The following MAML2 variants were observed in gnomAD, a reference collection of about 807,000 sequenced individuals.
MAML2 encodes mastermind-like protein 2.
MAML2 carries 22 observed loss-of-function variants against 96.1 expected under a neutral mutation model. That is an observed-to-expected ratio of 0.23 (90% CI 0.16 to 0.33). The LOEUF (loss-of-function observed/expected upper bound fraction) is 0.33, where lower values mean the gene tolerates loss of function less well. Ranked by LOEUF, MAML2 falls within the 10% of genes least tolerant of loss-of-function variation. The pLI, the probability that MAML2 is intolerant of heterozygous loss-of-function variation, is 1.00. For synonymous variants in MAML2, 561 were observed against 521.3 expected, an observed-to-expected ratio of 1.08 and a Z score of -1.04; for missense variants, 1,367 against 1,392.4, an observed-to-expected ratio of 0.98 and a Z score of 0.29.
At chr11:96,251,822 C>T (rs1379434404) in intron 1 of MAML2, among the ~76,000 whole-genome samples, 1 of 151,928 alleles carries the variant, frequency 6.6e-6, no homozygotes, top group African/African-American at 2.4e-5. Context: ...ACCTCCGCCT[C>T]CCAGGTTCAC....
At chr11:96,090,934 T>C (rs1451492101) in intron 2 of MAML2, among the ~76,000 whole-genome samples, 1 of 152,252 alleles carries the variant, frequency 6.6e-6, no homozygotes, top group African/African-American at 2.4e-5. Context: ...GTGCTATCTT[T>C]GTGCTTAGAT....
chr11:96,051,647 G>C (rs578060054), intron 2 of MAML2, among the ~76,000 whole-genome samples: 2 of 152,256 alleles, frequency 1.3e-5, no homozygotes, highest in South Asian at 4.1e-4. Flanking sequence ...TCATTCAACA[G>C]TTTTCTATGC....
At chr11:95,986,255 A>AGATCTG (rs982426274) in intron 3 of MAML2, among the ~76,000 whole-genome samples, 2 of 152,042 alleles carry the variant, frequency 1.3e-5, no homozygotes, top group Non-Finnish European at 2.9e-5. Context: ...CCCAGAGTGG[A>AGATCTG]GTGCAGTGGT....
intron 1 of MAML2, among the ~76,000 whole-genome samples, chr11:96,189,185 A>G (rs12272855): frequency 0.19 from 28,361 of 151,890 alleles, 2,818 homozygotes; most frequent in Middle Eastern, 0.25. Flanking sequence ...GCCTTGAGGT[A>G]TGATTTGATG....
At chr11:96,070,601 C>T (rs1222493318) in intron 2 of MAML2, among the ~76,000 whole-genome samples, 1 of 152,198 alleles carries the variant, frequency 6.6e-6, no homozygotes, top group South Asian at 2.1e-4. Context: ...AGCTGCCCAC[C>T]CCACTGGCGT....
At chr11:96,340,210 G>T (rs1307953527) in intron 1 of MAML2, among the ~76,000 whole-genome samples, 1 of 152,204 alleles carries the variant, frequency 6.6e-6, no homozygotes, top group Admixed American at 6.5e-5. Flanking sequence ...TCAATATCAA[G>T]CTCCTTTGGA....
intron 4 of MAML2, among the ~76,000 whole-genome samples, chr11:95,981,740 G>C (rs10501834): frequency 0.18 from 27,612 of 152,068 alleles, 3,968 homozygotes; most frequent in African/African-American, 0.4. Flanking sequence ...AACAATAACT[G>C]AGATGACATA....
intron 2 of MAML2, among the ~76,000 whole-genome samples, chr11:96,073,321 C>CTTTTTTTTTTTTT (rs57220287): frequency 9.2e-6 from 1 of 108,318 alleles, no homozygotes. Context: ...CTTTTCTTTT[C>CTTTTTTTTTTTTT]TTTTTTTTTT....
intron 2 of MAML2, among the ~76,000 whole-genome samples, chr11:96,032,586 C>CAA (rs59167571): frequency 0.14 from 13,156 of 90,986 alleles, 1,443 homozygotes; most frequent in African/African-American, 0.29. Flanking sequence ...GAGTCTGTCT[C>CAA]AAAAAAAAAA....
chr11:96,267,713 CCTCCAGTCACT>C (rs1177199126), intron 1 of MAML2, among the ~76,000 whole-genome samples: 1 of 152,124 alleles, frequency 6.6e-6, no homozygotes, highest in Admixed American at 6.6e-5. Flanking sequence ...GGGCTCAATT[CCTCCAGTCACT>C]AGTTTCAGCT....
chr11:96,196,056 C>G (rs1861725957), intron 1 of MAML2, among the ~76,000 whole-genome samples: 1 of 152,104 alleles, frequency 6.6e-6, no homozygotes, highest in African/African-American at 2.4e-5. Flanking sequence ...TGCATAGATA[C>G]ATATCTGCAA....
chr11:96,147,974 G>T (rs537517846), intron 1 of MAML2, among the ~76,000 whole-genome samples: 56 of 152,294 alleles, frequency 3.7e-4, no homozygotes, highest in African/African-American at 1.3e-3. Context: ...TAATGAAAAT[G>T]AGGAGTAAAA....
rs78766205 is a variant in MAML2, at chr11:96,175,998, A to G, written c.514-82481T>C. 7.5e-3 allele frequency among the ~76,000 whole-genome samples: 1,148 copies of G among 152,316 alleles called. 16 individuals are homozygous for G. Among genetic ancestry groups the G allele is most frequent in the African/African-American group, 0.025 (1,057 of 41,574 alleles). ...TGGAGAATAGGAGCATAGGGAAAAA[A>G]AGACTCCTCAATGTGTATAGTGCTT... is the stretch of plus-strand genomic sequence containing the variant. On this transcript the variant is annotated intron_variant, in intron 1 of 4. Coordinates refer to ENST00000524717, the MANE Select transcript of MAML2 (RefSeq NM_032427.4).
At chr11:96,267,714 C>T (rs1489520622) in intron 1 of MAML2, among the ~76,000 whole-genome samples, 2 of 152,172 alleles carry the variant, frequency 1.3e-5, no homozygotes, top group Non-Finnish European at 2.9e-5. Flanking sequence ...GGCTCAATTC[C>T]TCCAGTCACT....
chr11:96,072,656 G>A (rs1278200142), intron 2 of MAML2, among the ~76,000 whole-genome samples: 1 of 152,070 alleles, frequency 6.6e-6, no homozygotes, highest in Non-Finnish European at 1.5e-5. Flanking sequence ...GAAAGAGCTC[G>A]CTGTCAAGGA....
intron 1 of MAML2, among the ~76,000 whole-genome samples, chr11:96,177,170 G>T (rs989091543): frequency 3.3e-5 from 5 of 152,208 alleles, no homozygotes; most frequent in Admixed American, 3.3e-4. Flanking sequence ...CCATAAAAGT[G>T]AAGTCACCCC....
At chr11:96,235,496 G>T (rs2186584) in intron 1 of MAML2, among the ~76,000 whole-genome samples, 44,633 of 152,044 alleles carry the variant, frequency 0.29, 7,602 homozygotes, top group Non-Finnish European at 0.37. Context: ...TGAAAGTCAG[G>T]AGACCTTGAT....
intron 1 of MAML2, among the ~76,000 whole-genome samples, chr11:96,160,782 T>C (rs1861090927): frequency 6.6e-6 from 1 of 152,174 alleles, no homozygotes; most frequent in Admixed American, 6.5e-5. Flanking sequence ...AAGATTCGTT[T>C]TGAGGATTCA....
chr11:95,976,942 C>T lies in MAML2; in HGVS notation c.*2006G>A. ...ACAAGGACCAATACAATGTGCACAG[C>T]AGAAGAATCAAATAAGACACAAGAA... On this transcript the variant is annotated 3_prime_UTR_variant, in exon 5 of 5. Transcript: ENST00000524717. The T allele has an allele frequency of 1.0e-5, 2 of 195,736 alleles. No homozygotes were observed. Among genetic ancestry groups the T allele is most frequent in the Non-Finnish European group, 1.1e-5 (1 of 94,222 alleles). The allele number at this position is 195,736 out of a possible 1,614,324, so 12.1% of individuals were successfully genotyped here. A position where few individuals can be genotyped will look rare whatever the true frequency, so the allele number is the denominator to read the frequency against.
Sources: allele counts gnomAD v4.1 joint callset (sites outside exome capture counted in the v4.1 genomes callset), GRCh38; gene constraint gnomAD v4.1.1; transcripts MANE v1.5; gene names NCBI Gene and HGNC (gene_info 2026-07-23, HGNC 2026-07-21).